The following MLLT10 variants were observed in gnomAD, a reference collection of about 807,000 sequenced individuals.
MLLT10 encodes MLLT10 histone lysine methyltransferase DOT1L cofactor.
In MLLT10, 30 loss-of-function variants were observed where a neutral mutation model predicts 129.1. The observed-to-expected ratio is 0.23, with a 90% CI of 0.17 to 0.32. MLLT10 has a LOEUF of 0.32. Among genes scored for constraint, MLLT10 ranks in the 10% least tolerant of loss-of-function variants. The probability of loss-of-function intolerance (pLI) is 1.00; values close to 1 mark genes in which losing one functional copy is unlikely to be tolerated. For missense variants in MLLT10, 1,119 were observed against 1,268.3 expected (o/e 0.88, Z 1.79); for synonymous variants, 490 against 446.4 (o/e 1.10, Z -1.23).
intron 5 of MLLT10, 72 bp from the exon 6 acceptor site, chr10:21,612,276 A>G: frequency 2.3e-6 from 2 of 873,254 alleles, no homozygotes; most frequent in Non-Finnish European, 3.5e-6. Context: ...TTCATTTCTG[A>G]AGATAATTGT....
At chr10:21,708,856 A>G (rs2047081906) in intron 13 of MLLT10, 1 of 581,188 alleles carries the variant, frequency 1.7e-6, no homozygotes, top group African/African-American at 2.0e-5. Context: ...ACTTACAGAT[A>G]CATTTTTAAT....
At chr10:21,690,050 G>A (rs1246853128) in intron 13 of MLLT10, among the ~76,000 whole-genome samples, 2 of 151,874 alleles carry the variant, frequency 1.3e-5, no homozygotes, top group Non-Finnish European at 2.9e-5. Flanking sequence ...TAGAGCTTGG[G>A]CACCAAAGAG....
chr10:21,692,321 ATAT>A (rs149552027), intron 13 of MLLT10, among the ~76,000 whole-genome samples: 2,721 of 150,630 alleles, frequency 0.018, 76 homozygotes, highest in African/African-American at 0.062. Context: ...CACAATGGTT[ATAT>A]TATTATTATT....
chr10:21,596,273 G>A (rs2043010345), intron 5 of MLLT10, among the ~76,000 whole-genome samples: 1 of 151,768 alleles, frequency 6.6e-6, no homozygotes, highest in Non-Finnish European at 1.5e-5. Flanking sequence ...AATCGTTTTC[G>A]CTTATATTTT....
intron 3 of MLLT10, among the ~76,000 whole-genome samples, chr10:21,579,984 T>TA (rs1205777463): frequency 4.6e-5 from 7 of 152,000 alleles, no homozygotes; most frequent in Non-Finnish European, 1.0e-4. Flanking sequence ...TTTTAGTATT[T>TA]AAAAAATTCT....
chr10:21,632,347 G>C (rs2047083209), intron 8 of MLLT10, among the ~76,000 whole-genome samples: 1 of 152,154 alleles, frequency 6.6e-6, no homozygotes, highest in Admixed American at 6.5e-5. Context: ...ATTCATGTAG[G>C]TGTTTAGAAT....
intron 13 of MLLT10, among the ~76,000 whole-genome samples, chr10:21,710,695 T>C (rs1222054485): frequency 2.6e-5 from 4 of 152,222 alleles, no homozygotes; most frequent in Non-Finnish European, 5.9e-5. Flanking sequence ...CTGAACCTCT[T>C]AATTTGTATT....
At chr10:21,623,061 T>G (rs2046054245) in intron 8 of MLLT10, among the ~76,000 whole-genome samples, 1 of 151,998 alleles carries the variant, frequency 6.6e-6, no homozygotes, top group Non-Finnish European at 1.5e-5. Context: ...TATGGGGAGG[T>G]AGGTAGAGCT....
chr10:21,742,343 T>G lies in MLLT10; in HGVS notation c.*360T>G. 4.0e-6 allele frequency: 1 copy of G among 252,416 alleles called. No individual in the cohort carries two copies. The allele number at this position is 252,416 out of a possible 1,614,324, so 15.6% of individuals were successfully genotyped here. A position where few individuals can be genotyped will look rare whatever the true frequency, so the allele number is the denominator to read the frequency against. On this transcript the variant is annotated 3_prime_UTR_variant, in exon 23 of 23. Coordinates refer to ENST00000307729, the MANE Select transcript of MLLT10 (RefSeq NM_001195626.3). ...AAATTGGAGATGCAAATAGCAAAAC[T>G]AAATACTTGCTCCATTTACAAACTA...
chr10:21,626,813 G>A (rs2046496491), intron 8 of MLLT10, among the ~76,000 whole-genome samples: 1 of 152,146 alleles, frequency 6.6e-6, no homozygotes, highest in African/African-American at 2.4e-5. Context: ...TTTCCTTTTG[G>A]AATTTTGTGC....
intron 13 of MLLT10, among the ~76,000 whole-genome samples, chr10:21,693,476 C>A (rs535302346): frequency 6.6e-6 from 1 of 151,694 alleles, no homozygotes; most frequent in Admixed American, 6.6e-5. Context: ...TGAAAACAAC[C>A]CCTCCACAGA....
chr10:21,548,165 T>A (rs1588854059), intron 3 of MLLT10, among the ~76,000 whole-genome samples: 1 of 152,254 alleles, frequency 6.6e-6, no homozygotes, highest in African/African-American at 2.4e-5. Context: ...TGATAAACAA[T>A]CTTTTGAGTT....
intron 22 of MLLT10, among the ~76,000 whole-genome samples, chr10:21,741,183 C>A (rs951444087): frequency 6.6e-6 from 1 of 152,196 alleles, no homozygotes; most frequent in South Asian, 2.1e-4. Flanking sequence ...TCGCCTACTT[C>A]CTGTCATCAC....
rs2057923745 is a variant in MLLT10, at chr10:21,731,021, C to A, written c.2185C>A (p.Gln729Lys). The A allele has an allele frequency of 6.2e-7, 1 of 1,613,676 alleles. No individual in the cohort carries two copies. Among genetic ancestry groups the A allele is most frequent in the African/African-American group, 1.3e-5 (1 of 74,890 alleles). The change falls in exon 17 of 23, where the codon CAA (glutamine) becomes AAA (lysine). Residue 729 changes from glutamine (Q) to lysine (K), a missense_variant. Coordinates refer to ENST00000307729, the MANE Select transcript of MLLT10 (RefSeq NM_001195626.3). ...GGAGAGGCAGTGGAGTGAAGGACAGCAATTTTTACTAGAACAGGGTACTCC... is the reference window on the plus strand; with the variant it reads ...GGAGAGGCAGTGGAGTGAAGGACAGAAATTTTTACTAGAACAGGGTACTCC... ...LLERQWSEGQQFLLEQGTPSD... is the reference protein window; with the variant it reads ...LLERQWSEGQKFLLEQGTPSD...
At chr10:21,623,179 G>C (rs1175649048) in intron 8 of MLLT10, among the ~76,000 whole-genome samples, 2 of 152,166 alleles carry the variant, frequency 1.3e-5, no homozygotes, top group African/African-American at 2.4e-5. Flanking sequence ...TTCCCATTAT[G>C]TAGGCACAAT....
chr10:21,614,307 T>C (rs1201249039), intron 6 of MLLT10, among the ~76,000 whole-genome samples: 1 of 152,078 alleles, frequency 6.6e-6, no homozygotes, highest in Non-Finnish European at 1.5e-5. Context: ...AAAGCACAAT[T>C]TATGTTTATC....
At chr10:21,594,501 C>T (rs12769128) in intron 4 of MLLT10, among the ~76,000 whole-genome samples, 32,248 of 142,894 alleles carry the variant, frequency 0.23, 4,525 homozygotes, top group Middle Eastern at 0.45. Context: ...CGCGGTGAGA[C>T]GAGATCGCGC....
rs1265113093 is a variant in MLLT10 at position 21,642,157 on chromosome 10, C to T, written c.700-9516C>T. On this transcript the variant is annotated intron_variant, in intron 8 of 22. Transcript: ENST00000307729. ...CTTGAGGCCAGGAGTTCGAGACCAG[C>T]CTAGCCAACACGGTGAAACCCAGTC... is the stretch of plus-strand genomic sequence containing the variant. Among the ~76,000 whole-genome samples the T allele has an allele frequency of 3.3e-5, 5 of 151,838 alleles. No individual in the cohort carries two copies. In the East Asian group the frequency reaches 9.7e-4, roughly 29 times the overall value.
At chr10:21,559,275 G>A (rs947385051) in intron 3 of MLLT10, among the ~76,000 whole-genome samples, 1 of 152,142 alleles carries the variant, frequency 6.6e-6, no homozygotes, top group Non-Finnish European at 1.5e-5. Flanking sequence ...GTAGAGAAGG[G>A]GTTTCACTAT....
Sources: gnomAD v4.1 joint callset for allele counts (sites outside exome capture counted in the v4.1 genomes callset) on GRCh38, gnomAD v4.1.1 for gene constraint, MANE v1.5 for transcripts, NCBI Gene and HGNC (gene_info 2026-07-23, HGNC 2026-07-21) for gene names.